Variants in SEL1L3 observed in about 807,000 individuals in gnomAD.
The protein encoded by SEL1L3 is protein sel-1 homolog 3.
A neutral mutation model predicts 142.8 loss-of-function variants in SEL1L3; 76 were observed. The observed-to-expected ratio is 0.53, with a 90% CI of 0.44 to 0.64. The LOEUF (loss-of-function observed/expected upper bound fraction) is 0.64. Among genes scored for constraint, SEL1L3 ranks in the 30% least tolerant of loss-of-function variants. SEL1L3 has a pLI of 0.00. For synonymous variants in SEL1L3, 504 were observed against 519.6 expected (o/e 0.97, Z 0.41); for missense variants, 1,262 against 1,381.7 (o/e 0.91, Z 1.37).
At chr4:25,821,774 G>C (rs2109261166) in intron 7 of SEL1L3, among the ~76,000 whole-genome samples, 1 of 152,346 alleles carries the variant, frequency 6.6e-6, no homozygotes, top group East Asian at 1.9e-4. Flanking sequence ...TAAAACAGAG[G>C]AAGTCAATGG....
chr4:25,756,908 T>G (rs1718002340), intron 23 of SEL1L3: 1 of 1,280,840 alleles, frequency 7.8e-7, no homozygotes, highest in African/African-American at 1.5e-5. Flanking sequence ...GAGGCAGAAT[T>G]CTGACAGATA....
At chr4:25,727,692 C>T in the SEL1L3 span, among the ~76,000 whole-genome samples, 34 of 152,196 alleles carry the variant, frequency 2.2e-4, no homozygotes, top group Non-Finnish European at 3.8e-4. Flanking sequence ...ACAATCTCTG[C>T]GCCATGTTGG....
chr4:25,821,838 A>G (rs1415305474), intron 7 of SEL1L3, among the ~76,000 whole-genome samples, 158 bp downstream of exon 7: 1 of 152,160 alleles, frequency 6.6e-6, no homozygotes, highest in Non-Finnish European at 1.5e-5. Flanking sequence ...TTTTTATTGC[A>G]TTTGCTGGGG....
At chr4:25,780,824 T>TTA (rs61666514) in intron 15 of SEL1L3, among the ~76,000 whole-genome samples, 137 of 144,070 alleles carry the variant, frequency 9.5e-4, no homozygotes, top group Middle Eastern at 3.7e-3. Context: ...TATATATATT[T>TTA]TATATATATA....
chr4:25,756,100 G>T, intron 23 of SEL1L3: 8 of 985,390 alleles, frequency 8.1e-6, no homozygotes, highest in Non-Finnish European at 9.6e-6. Context: ...AGACGCTGAC[G>T]TGCACCCCTT....
intron 9 of SEL1L3, among the ~76,000 whole-genome samples, chr4:25,813,160 G>C (rs914087737): frequency 6.6e-6 from 1 of 152,154 alleles, no homozygotes; most frequent in African/African-American, 2.4e-5. Context: ...ATTAAATGTA[G>C]AATTACTATA....
At chr4:25,727,903 C>T in the SEL1L3 span, among the ~76,000 whole-genome samples, 22 of 152,304 alleles carry the variant, frequency 1.4e-4, no homozygotes, top group African/African-American at 5.3e-4. Context: ...CACTAGTTAA[C>T]ACCCTTCCTG....
chr4:25,806,100 G>A (rs1713545120), intron 9 of SEL1L3, among the ~76,000 whole-genome samples: 3 of 148,904 alleles, frequency 2.0e-5, no homozygotes, highest in East Asian at 2.0e-4. Context: ...GTGCAGTGGC[G>A]CGATCTCGGT....
At chr4:25,829,730 G>A (rs1195527650) in intron 6 of SEL1L3, among the ~76,000 whole-genome samples, 2 of 152,108 alleles carry the variant, frequency 1.3e-5, no homozygotes, top group African/African-American at 4.8e-5. Context: ...TCTTATATGA[G>A]GCCAAAGTTA....
At chr4:25,832,938 G>T in intron 5 of SEL1L3, 57 bp downstream of exon 5, 1 of 1,103,488 alleles carries the variant, frequency 9.1e-7, no homozygotes, top group Non-Finnish European at 1.4e-6. Context: ...TTATAGCAAT[G>T]CTTAACTTTA....
Position 25,804,540 on chromosome 4 carries a change from C to T in SEL1L3, c.1776+1G>A. On this transcript the variant is annotated splice_donor_variant, in intron 10 of 23. Transcript: ENST00000399878. LOFTEE classifies it high-confidence loss of function. ...GTTAATGGAGCAATGAAATACTCTA[C>T]CTGCAGCTGATCCCGAGGAACATTT... 6.2e-7 allele frequency: 1 copy of T among 1,602,378 alleles called. No individual in the cohort carries two copies. Among genetic ancestry groups the T allele is most frequent in the Non-Finnish European group, 8.5e-7 (1 of 1,171,874 alleles).
At chr4:25,771,710 G>A (rs1048360641) in intron 17 of SEL1L3, among the ~76,000 whole-genome samples, 1 of 152,134 alleles carries the variant, frequency 6.6e-6, no homozygotes, top group African/African-American at 2.4e-5. Context: ...TGGGTTAAGT[G>A]TTTTTGGTAT....
chr4:25,822,215 T>C, intron 6 of SEL1L3, 87 bp from the exon 7 acceptor site: 1 of 1,516,064 alleles, frequency 6.6e-7, no homozygotes, highest in Non-Finnish European at 9.0e-7. Context: ...CTCCTTGACT[T>C]AACCCAAATT....
intron 11 of SEL1L3, among the ~76,000 whole-genome samples, chr4:25,801,000 C>A (rs1470648284): frequency 2.0e-5 from 3 of 152,212 alleles, no homozygotes; most frequent in Non-Finnish European, 4.4e-5. Context: ...AGGGGCAGAG[C>A]TGGGAACCAG....
At chr4:25,763,528 A>G (rs559691514) in intron 20 of SEL1L3, among the ~76,000 whole-genome samples, 5 of 152,006 alleles carry the variant, frequency 3.3e-5, no homozygotes, top group Non-Finnish European at 7.4e-5. Context: ...GCGATGTTGT[A>G]CCTCCATTAA....
chr4:25,822,172 T>C (rs764838345), intron 6 of SEL1L3, 44 bp from the exon 7 acceptor site: 2 of 1,610,272 alleles, frequency 1.2e-6, no homozygotes, highest in South Asian at 1.1e-5. Flanking sequence ...ATGCCGGAAC[T>C]AGATGATTTA....
intron 3 of SEL1L3, among the ~76,000 whole-genome samples, chr4:25,834,097 T>C (rs1715613130): frequency 6.6e-6 from 1 of 152,250 alleles, no homozygotes; most frequent in Non-Finnish European, 1.5e-5. Flanking sequence ...ATTTTCATGC[T>C]CAGATTAGGT....
At chr4:25,819,739 G>T in intron 8 of SEL1L3, 69 bp downstream of exon 8, 5 of 1,469,634 alleles carry the variant, frequency 3.4e-6, no homozygotes, top group Non-Finnish European at 3.7e-6. Flanking sequence ...TCCTGTTATG[G>T]AGAAGCCAAA....
chr4:25,844,131 C>T (rs578137922), intron 2 of SEL1L3, among the ~76,000 whole-genome samples: 5 of 152,314 alleles, frequency 3.3e-5, no homozygotes, highest in Admixed American at 1.3e-4. Context: ...CCCCCTGTGG[C>T]TCAGCTCGGA....
Sources: gnomAD v4.1 joint callset for allele counts (sites outside exome capture counted in the v4.1 genomes callset) on GRCh38, gnomAD v4.1.1 for gene constraint, MANE v1.5 for transcripts, NCBI Gene and HGNC (gene_info 2026-07-23, HGNC 2026-07-21) for gene names.